Variants in RBM10 observed in about 807,000 individuals in gnomAD.
RBM10 encodes the protein RNA-binding protein 10.
Under a neutral mutation model 84.9 loss-of-function variants are expected in RBM10, and 1 was observed. The observed-to-expected ratio is 0.01, with a 90% CI of 0.00 to 0.06. The LOEUF (loss-of-function observed/expected upper bound fraction) is 0.06. Ranked by LOEUF, RBM10 falls within the 10% of genes least tolerant of loss-of-function variation. The probability of loss-of-function intolerance (pLI) is 1.00; values close to 1 mark genes in which losing one functional copy is unlikely to be tolerated. For missense variants in RBM10, 438 were observed against 839.0 expected, an observed-to-expected ratio of 0.52 and a Z score of 5.90; for synonymous variants, 326 against 344.5, an observed-to-expected ratio of 0.95 and a Z score of 0.60.
chrX:47,176,354 C>T (rs1935149881), intron 6 of RBM10, 146 bp from the exon 7 acceptor site: 3 of 1,054,310 alleles, frequency 2.8e-6, no homozygotes, highest in South Asian at 2.1e-5. Flanking sequence ...TACCTCCCTT[C>T]TTCCCTCCAT....
At chrX:47,162,003 C>T (rs781954602) in intron 2 of RBM10, among the ~76,000 whole-genome samples, 95 of 110,886 alleles carry the variant, frequency 8.6e-4, no homozygotes, top group African/African-American at 3.1e-3. Flanking sequence ...TTACCACACC[C>T]AGCTAATTTT....
intron 17 of RBM10, 49 bp from the exon 18 acceptor site, chrX:47,185,006 C>T (rs1556781390): frequency 1.7e-6 from 2 of 1,175,097 alleles, no homozygotes; most frequent in African/African-American, 3.6e-5. Flanking sequence ...AGTTAGTAGC[C>T]CCAGGGTCAT....
In RBM10 at chrX:47,181,745, C is replaced by T. The variant is rs1018496012; in HGVS notation, c.1576-4C>T. The stretch of plus-strand genomic sequence containing the variant: ...CCTGTTCTCCTGTCTGGCCCCATGA[C>T]CAGTCGTATACCATCATGTCACCCG... On this transcript the variant is annotated splice_polypyrimidine_tract_variant and splice_region_variant and intron_variant, in intron 14 of 23. Transcript: ENST00000377604. 8.3e-7 allele frequency: 1 copy of T among 1,210,943 alleles called. No homozygotes were observed. Among genetic ancestry groups the T allele is most frequent in the Non-Finnish European group, 1.1e-6 (1 of 895,392 alleles).
chrX:47,174,732 C>T (rs1431609759), intron 5 of RBM10, among the ~76,000 whole-genome samples: 3 of 110,660 alleles, frequency 2.7e-5, no homozygotes, highest in African/African-American at 9.9e-5. Context: ...CAGGTCTGCC[C>T]GAGCCCCATC....
At chrX:47,167,141 T>TTAAA (rs1934289974) in intron 2 of RBM10, among the ~76,000 whole-genome samples, 1 of 111,390 alleles carries the variant, frequency 9.0e-6, no homozygotes, top group African/African-American at 3.3e-5. Flanking sequence ...GATATTTTTA[T>TTAAA]CTGTGAATTC....
At chrX:47,159,606 C>CATGG (rs1933499564) in intron 2 of RBM10, among the ~76,000 whole-genome samples, 1 of 111,199 alleles carries the variant, frequency 9.0e-6, no homozygotes, top group Admixed American at 9.7e-5. Flanking sequence ...ATCAAAATAG[C>CATGG]ATGGTCCTGG....
At chrX:47,179,281 C>G (rs2147166717) in intron 8 of RBM10, 38 bp from the exon 9 acceptor site, 1 of 1,188,437 alleles carries the variant, frequency 8.4e-7, no homozygotes, top group East Asian at 3.1e-5. Context: ...GTGGAGCCTT[C>G]CCCTTATCAC....
intron 17 of RBM10, among the ~76,000 whole-genome samples, chrX:47,183,989 G>A (rs782172839): frequency 9.7e-4 from 108 of 111,361 alleles, no homozygotes; most frequent in Non-Finnish European, 1.8e-3. Context: ...ATGAGCTACC[G>A]CGCCTGGCTA....
At chrX:47,183,519 C>T (rs895657201) in intron 17 of RBM10, among the ~76,000 whole-genome samples, 2 of 107,696 alleles carry the variant, frequency 1.9e-5, no homozygotes, top group African/African-American at 6.8e-5. Context: ...GAGACTCCTT[C>T]TCAAAATATA....
intron 2 of RBM10, among the ~76,000 whole-genome samples, chrX:47,158,848 A>C (rs1933407393): frequency 8.9e-6 from 1 of 112,118 alleles, no homozygotes; most frequent in Admixed American, 9.5e-5. Context: ...AGTGATCCCC[A>C]ATGTCTGATA....
chrX:47,157,087 G>A (rs1213479172), intron 2 of RBM10: 1 of 272,390 alleles, frequency 3.7e-6, no homozygotes, highest in Non-Finnish European at 7.0e-6. Flanking sequence ...AGGGCCCGGG[G>A]GAGTTCCCGG....
chrX:47,161,497 TC>T (rs1933673421), intron 2 of RBM10, among the ~76,000 whole-genome samples: 1 of 102,808 alleles, frequency 9.7e-6, no homozygotes, highest in Non-Finnish European at 2.0e-5. Flanking sequence ...TTGCTAGAGT[TC>T]CTCTCAACTC....
chrX:47,173,495 A>C (rs1321423288), intron 5 of RBM10, among the ~76,000 whole-genome samples: 1 of 112,077 alleles, frequency 8.9e-6, no homozygotes, highest in African/African-American at 3.2e-5. Flanking sequence ...GACTCTGAGT[A>C]TCTGAGATGG....
intron 2 of RBM10, among the ~76,000 whole-genome samples, chrX:47,159,652 A>G (rs1422958235): frequency 9.0e-6 from 1 of 111,376 alleles, no homozygotes; most frequent in Admixed American, 9.6e-5. Flanking sequence ...GGAACAGAGT[A>G]GAGAACACAG....
chrX:47,170,798 A>G (rs1934588898), intron 3 of RBM10, among the ~76,000 whole-genome samples: 1 of 110,585 alleles, frequency 9.0e-6, no homozygotes, highest in Non-Finnish European at 1.9e-5. Flanking sequence ...ACTGTCACCT[A>G]CCTCTCCCCA....
At chrX:47,155,958 C>T (rs1253784645) in intron 2 of RBM10, among the ~76,000 whole-genome samples, 22 of 106,400 alleles carry the variant, frequency 2.1e-4, no homozygotes, top group East Asian at 1.8e-3. Context: ...TACAGGCACG[C>T]GCCACCACAC....
intron 2 of RBM10, among the ~76,000 whole-genome samples, chrX:47,152,118 A>G (rs781799013): frequency 1.8e-5 from 2 of 112,281 alleles, no homozygotes; most frequent in Admixed American, 9.5e-5. Flanking sequence ...AGACTGAGAC[A>G]TGAGAATCGC....
intron 2 of RBM10, among the ~76,000 whole-genome samples, chrX:47,150,402 T>C (rs961621478): frequency 1.8e-5 from 2 of 109,956 alleles, no homozygotes; most frequent in Admixed American, 9.7e-5. Flanking sequence ...TCTCCTGACC[T>C]GGTGATCCAC....
intron 2 of RBM10, among the ~76,000 whole-genome samples, chrX:47,165,760 G>A (rs1231485892): frequency 1.3e-4 from 14 of 110,666 alleles, no homozygotes; most frequent in Non-Finnish European, 7.6e-5. Context: ...AGTGGCTCAC[G>A]CCTGTAATCC....
Sources: allele counts gnomAD v4.1 joint callset (sites outside exome capture counted in the v4.1 genomes callset), GRCh38; gene constraint gnomAD v4.1.1; transcripts MANE v1.5; gene names NCBI Gene and HGNC (gene_info 2026-07-23, HGNC 2026-07-21).